RBFOX2: variants seen among roughly 807,000 people sequenced by gnomAD.
The protein encoded by RBFOX2 is RNA binding fox-1 homolog 2, also known as RNA binding protein fox-1 homolog 2.
Under a neutral mutation model 49.1 loss-of-function variants are expected in RBFOX2, and 10 were observed. That is an observed-to-expected ratio of 0.20 (90% CI 0.13 to 0.35). The LOEUF is 0.35. RBFOX2 is among the 10% of genes least tolerant of loss of function. The pLI is 1.00. For missense variants in RBFOX2, 323 were observed against 486.9 expected (o/e 0.66, Z 3.17); for synonymous variants, 183 against 187.4 (o/e 0.98, Z 0.19).
intron 1 of RBFOX2, among the ~76,000 whole-genome samples, chr22:35,880,154 A>G (rs563012815): frequency 6.6e-6 from 1 of 152,230 alleles, no homozygotes; most frequent in South Asian, 2.1e-4. Flanking sequence ...GACTGAGGAA[A>G]AAAAAAAAAG....
At chr22:35,816,190 A>G (rs1952996366) in intron 1 of RBFOX2, among the ~76,000 whole-genome samples, 1 of 152,236 alleles carries the variant, frequency 6.6e-6, no homozygotes, top group African/African-American at 2.4e-5. Context: ...ATTACTCTAG[A>G]TTCTTAACTT....
At chr22:35,939,831 A>G (rs1322934080), upstream of RBFOX2, among the ~76,000 whole-genome samples, 3 of 151,432 alleles carry the variant, frequency 2.0e-5, no homozygotes, top group Admixed American at 2.0e-4. Flanking sequence ...AAGCACTGTT[A>G]GTCGACTGAT....
intron 9 of RBFOX2, among the ~76,000 whole-genome samples, chr22:35,757,088 G>A (rs1380622017): frequency 6.6e-6 from 1 of 151,996 alleles, no homozygotes; most frequent in Non-Finnish European, 1.5e-5. Flanking sequence ...ATTGATAACT[G>A]AAGTTCTGGG....
At chr22:35,763,129 A>G (rs944361392) in intron 6 of RBFOX2, among the ~76,000 whole-genome samples, 6 of 152,350 alleles carry the variant, frequency 3.9e-5, no homozygotes, top group African/African-American at 1.4e-4. Context: ...GAGGAACCCA[A>G]CAAATTCTTC....
chr22:35,867,157 TAAAGA>T (rs1457569529), intron 1 of RBFOX2, among the ~76,000 whole-genome samples: 2 of 152,198 alleles, frequency 1.3e-5, no homozygotes, highest in Non-Finnish European at 2.9e-5. Context: ...GGCAAAATGA[TAAAGA>T]AAAGAACCTT....
intron 1 of RBFOX2, among the ~76,000 whole-genome samples, chr22:36,001,121 G>A (rs1347155548): frequency 6.6e-6 from 1 of 151,432 alleles, no homozygotes; most frequent in Admixed American, 6.6e-5. Context: ...AGATCCAAGA[G>A]TTTTAAAATA....
chr22:35,952,308 A>G (rs1041417435), intron 1 of RBFOX2, among the ~76,000 whole-genome samples: 6 of 152,224 alleles, frequency 3.9e-5, no homozygotes, highest in African/African-American at 1.4e-4. Flanking sequence ...ACTAGTATAA[A>G]GCATAGCTAT....
chr22:35,997,744 A>C (rs1476347749), intron 1 of RBFOX2: 1 of 152,276 alleles, frequency 6.6e-6, no homozygotes, highest in Non-Finnish European at 1.5e-5. Context: ...TAATCCTAGC[A>C]CTTTGGGAGG....
intron 1 of RBFOX2, among the ~76,000 whole-genome samples, chr22:35,885,531 T>C (rs1452613628): frequency 2.0e-5 from 3 of 152,204 alleles, no homozygotes; most frequent in African/African-American, 7.2e-5. Flanking sequence ...GAAATGTAAC[T>C]AGCGTATGAT....
In RBFOX2 at chr22:35,785,608, T is replaced by C. The variant is rs185526761; in HGVS notation, c.253-3862A>G. ...AAATGAAGTTTGAAACTTTAAAATA[T>C]AAAGGATAATCAGGAATAAACTCCA... On this transcript the variant is annotated intron_variant, in intron 2 of 11. Coordinates refer to ENST00000405409, the Ensembl canonical transcript of RBFOX2. 7.9e-5 allele frequency among the ~76,000 whole-genome samples: 12 copies of C among 152,342 alleles called. No homozygotes were observed. The East Asian group carries it at 1.9e-3, about 24-fold the overall frequency.
intron 1 of RBFOX2, among the ~76,000 whole-genome samples, chr22:35,945,770 G>A (rs1334797057): frequency 4.6e-5 from 7 of 152,128 alleles, no homozygotes; most frequent in African/African-American, 7.2e-5. Flanking sequence ...ACCACAGGGC[G>A]TCATTCTGCT....
chr22:35,978,583 T>C (rs190631183), intron 1 of RBFOX2, among the ~76,000 whole-genome samples: 162 of 152,232 alleles, frequency 1.1e-3, no homozygotes, highest in Non-Finnish European at 1.8e-3. Context: ...AAAACCTTCT[T>C]GTGGCAGAAA....
Position 35,787,536 on chromosome 22 carries a change from A to G in RBFOX2, c.253-5790T>C, listed in dbSNP as rs1360594518. ...AGGAATAGAAAATATTGGTCATACT[A>G]TATTAACGTACTTAAATGAGATCTT... On this transcript the variant is annotated intron_variant, in intron 2 of 11. Transcript: ENST00000405409. Among the ~76,000 whole-genome samples, 5 of 152,222 alleles carry G rather than the reference A, an allele frequency of 3.3e-5. No homozygotes were observed. The East Asian group carries it at 7.7e-4, about 23-fold the overall frequency.
intron 1 of RBFOX2, among the ~76,000 whole-genome samples, chr22:35,831,860 T>G (rs1045983688): frequency 6.6e-6 from 1 of 152,218 alleles, no homozygotes; most frequent in Non-Finnish European, 1.5e-5. Flanking sequence ...AAAATAATTA[T>G]TGACTTCCAT....
chr22:35,761,255 G>A (rs1190419247), exon 8 of RBFOX2: 4 of 1,614,122 alleles, frequency 2.5e-6, no homozygotes, highest in South Asian at 2.2e-5. Context: ...GGGCACTGCT[G>A]CATCATTGCC....
intron 1 of RBFOX2, chr22:36,000,486 CT>C (rs2058370448): frequency 6.6e-6 from 1 of 151,982 alleles, no homozygotes; most frequent in Non-Finnish European, 1.5e-5. Context: ...GAAGCTTTAA[CT>C]TTTGCACTTC....
chr22:35,949,078 G>A (rs765593744), intron 1 of RBFOX2, among the ~76,000 whole-genome samples: 8 of 152,118 alleles, frequency 5.3e-5, no homozygotes, highest in Admixed American at 4.6e-4. Context: ...TATTTGCGCC[G>A]TGACATAATC....
intron 9 of RBFOX2, among the ~76,000 whole-genome samples, chr22:35,758,842 C>T (rs1180451135): frequency 1.3e-5 from 2 of 150,752 alleles, no homozygotes; most frequent in Non-Finnish European, 1.5e-5. Flanking sequence ...TGAATGAATG[C>T]TAAATTAGTA....
At chr22:36,012,709 A>C (rs2058868759) in intron 1 of RBFOX2, among the ~76,000 whole-genome samples, 1 of 152,186 alleles carries the variant, frequency 6.6e-6, no homozygotes, top group South Asian at 2.1e-4. Context: ...AAGATTTAAA[A>C]AAATAGATTG....
Sources: gnomAD v4.1 joint callset for allele counts (sites outside exome capture counted in the v4.1 genomes callset) on GRCh38, gnomAD v4.1.1 for gene constraint, MANE v1.5 for transcripts, NCBI Gene and HGNC (gene_info 2026-07-23, HGNC 2026-07-21) for gene names.